FICD: variants seen among roughly 807,000 people sequenced by gnomAD.
FICD encodes the protein protein adenylyltransferase FICD.
Under a neutral mutation model 28.0 loss-of-function variants are expected in FICD, and 13 were observed. The ratio of observed to expected loss-of-function variants is 0.46; its 90% confidence interval spans 0.30 to 0.74. FICD has a LOEUF of 0.74. Among genes scored for constraint, FICD ranks in the 30% least tolerant of loss-of-function variants. The pLI, the probability that FICD is intolerant of heterozygous loss-of-function variation, is 0.07. For missense variants in FICD, 576 were observed against 624.5 expected, an observed-to-expected ratio of 0.92 and a Z score of 0.83; for synonymous variants, 268 against 266.4, an observed-to-expected ratio of 1.01 and a Z score of -0.06.
chr12:108,518,927 ACT>A lies in FICD; in HGVS notation c.832_833del (p.Leu278GlyfsTer80), dbSNP rs1872010113. On this transcript the variant is annotated frameshift_variant, in exon 3 of 3. Transcript: ENST00000552695. LOFTEE classifies it high-confidence loss of function. This position sits in a 1 kb window ranked among gnomAD's most constrained non-coding sequence, Gnocchi z 4.4. ...TGCAGCCATGAAGTACATCAACACG[ACT>A]CTGGTTTCGCGCATCGGCTCCGTCA... ...MHAAMKYINT[T>X]LVSRIGSVTI... 1.9e-6 allele frequency: 3 copies of A among 1,613,586 alleles called. No individual in the cohort carries two copies. The highest frequency in any genetic ancestry group is 1.6e-4 in the Middle Eastern group (1 of 6,082).
rs758453316 is a variant in FICD, at chr12:108,518,602, C to T, written c.504C>T (p.Thr168=). ...ACTACTTGTACACCAGAGCATTGAC[C>T]ATCTCACCCTACCATGAGAAAGCAC... ...QADYLYTRAL[T]ISPYHEKALV... Residue 168 remains threonine (T), a synonymous_variant, in exon 3 of 3, where the codon ACC becomes ACT. Transcript: ENST00000552695. The surrounding 1 kb of genome is among the most constrained non-coding windows in gnomAD (Gnocchi z 4.4). 10 of 1,614,104 alleles carry T rather than the reference C, an allele frequency of 6.2e-6. No individual in the cohort carries two copies. The African/African-American group carries it at 1.1e-4, about 17-fold the overall frequency.
intron 1 of FICD, among the ~76,000 whole-genome samples, chr12:108,515,761 C>T (rs1007314414): frequency 2.6e-5 from 4 of 152,128 alleles, no homozygotes; most frequent in African/African-American, 9.7e-5. Flanking sequence ...ACTCAGAACC[C>T]CGTGATCCAT....
rs950028667 is a variant in FICD, at chr12:108,519,537, T to G, written c.*62T>G. 2 of 1,092,354 alleles carry G rather than the reference T, an allele frequency of 1.8e-6. No individual in the cohort carries two copies. The highest frequency in any genetic ancestry group is 2.6e-6 in the Non-Finnish European group (2 of 777,544). The allele number at this position is 1,092,354 out of a possible 1,614,324, so 67.7% of individuals were successfully genotyped here. ...TAGGAAAAAAAAAAAGAAACAGCAT[T>G]TCTAGAAACCTAGTCACTTCCTAAA... On this transcript the variant is annotated 3_prime_UTR_variant, in exon 3 of 3. Transcript: ENST00000552695. This position sits in a 1 kb window ranked among gnomAD's most constrained non-coding sequence, Gnocchi z 4.5.
At position 108,519,335 on chromosome 12, in the gene FICD, C is replaced by T. The variant is rs1460217169; in HGVS notation, c.1237C>T (p.Pro413Ser). 2 of 1,614,210 alleles carry T rather than the reference C, an allele frequency of 1.2e-6. No individual in the cohort carries two copies. The highest frequency in any genetic ancestry group is 1.7e-5 in the Admixed American group (1 of 60,036). ...LEAANEGDVR[P>S]FIRFIAKCTE... ...AGCTGCCAACGAGGGCGACGTGAGG[C>T]CTTTCATTCGCTTCATCGCCAAGTG... is the stretch of plus-strand genomic sequence containing the variant. Residue 413 changes from proline to serine, a missense_variant, in exon 3 of 3, where the codon CCT (proline) becomes TCT (serine). By Grantham distance (74) the Pro-to-Ser change is moderately conservative (BLOSUM62 -1). Coordinates refer to ENST00000552695, the MANE Select transcript of FICD (RefSeq NM_007076.3). The surrounding 1 kb of genome is among the most constrained non-coding windows in gnomAD (Gnocchi z 4.5).
chr12:108,517,062 G>A lies in FICD; in HGVS notation c.90G>A (p.Leu30=), dbSNP rs745482581. The A allele has an allele frequency of 1.2e-6, 2 of 1,602,570 alleles. No homozygotes were observed. Among genetic ancestry groups the A allele is most frequent in the Non-Finnish European group, 1.7e-6 (2 of 1,172,920 alleles). The change falls in exon 2 of 3, where the codon CTG becomes CTA. Residue 30 remains leucine (L), a synonymous_variant. Coordinates refer to ENST00000552695, the MANE Select transcript of FICD (RefSeq NM_007076.3). ...VWSRFLWVTL[L]SMVLGSLLAL... is the part of the protein sequence containing the mutation. ...GCCGCTTCCTCTGGGTGACGCTGCT[G>A]AGCATGGTGCTGGGGTCCCTGCTGG...
rs1366239281 is a variant in FICD, at chr12:108,518,278, A to G, written c.302-122A>G. 1.2e-6 allele frequency: 1 copy of G among 828,594 alleles called. No homozygotes were observed. The highest frequency in any genetic ancestry group is 2.0e-6 in the Non-Finnish European group (1 of 495,712). The allele number at this position is 828,594 out of a possible 1,614,324, so 51.3% of individuals were successfully genotyped here. A position where few individuals can be genotyped will look rare whatever the true frequency, so the allele number is the denominator to read the frequency against. On this transcript the variant is annotated intron_variant, in intron 2 of 2. Coordinates refer to ENST00000552695, the MANE Select transcript of FICD (RefSeq NM_007076.3). This position sits in a 1 kb window ranked among gnomAD's most constrained non-coding sequence, Gnocchi z 4.4. ...CGATGCGGCTGCAACAAGCTCCTCA[A>G]GGCCAGGGACACAGGCTGGTCATCA...
rs747099327 is a variant in FICD, at chr12:108,518,858, C to A, written c.760C>A (p.Pro254Thr). 4.3e-5 allele frequency: 69 copies of A among 1,614,054 alleles called. No homozygotes were observed. Among genetic ancestry groups the A allele is most frequent in the Non-Finnish European group, 5.6e-5 (66 of 1,180,042 alleles). The change falls in exon 3 of 3, where the codon CCC becomes ACC. Residue 254 changes from proline to threonine, a missense_variant. Physicochemically the swap from Pro to Thr is conservative, Grantham distance 38. Coordinates refer to ENST00000552695, the MANE Select transcript of FICD (RefSeq NM_007076.3). The surrounding 1 kb of genome is among the most constrained non-coding windows in gnomAD (Gnocchi z 4.4). ...RHILETRYAV[P>T]GKSLEEQNEV... ...CATCCTGGAGACCCGCTACGCCGTG[C>A]CCGGGAAGAGCCTGGAGGAGCAGAA...
chr12:108,518,750 G>A lies in FICD; in HGVS notation c.652G>A (p.Val218Ile), dbSNP rs372982792. The A allele has an allele frequency of 1.4e-5, 22 of 1,614,092 alleles. No individual in the cohort carries two copies. Among genetic ancestry groups the A allele is most frequent in the Non-Finnish European group, 1.5e-5 (18 of 1,180,050 alleles). ...IPKGNSALRR[V>I]MEETYYHHIY... ...CAAGGGGAACTCAGCTCTGCGCAGGGTCATGGAGGAGACCTACTACCATCA... is the reference window on the plus strand; with the variant it reads ...CAAGGGGAACTCAGCTCTGCGCAGGATCATGGAGGAGACCTACTACCATCA... The change falls in exon 3 of 3, where the codon GTC becomes ATC. Residue 218 changes from valine (V) to isoleucine (I), a missense_variant. Coordinates refer to ENST00000552695, the MANE Select transcript of FICD (RefSeq NM_007076.3). This position sits in a 1 kb window ranked among gnomAD's most constrained non-coding sequence, Gnocchi z 4.4.
intron 1 of FICD, among the ~76,000 whole-genome samples, chr12:108,515,927 A>T (rs910748431): frequency 5.9e-5 from 9 of 152,078 alleles, no homozygotes; most frequent in African/African-American, 2.2e-4. Context: ...AATTTAACTT[A>T]TGCTCTCTGT....
Position 108,518,554 on chromosome 12 carries a change from A to C in FICD, c.456A>C (p.Glu152Asp), listed in dbSNP as rs764956334. Residue 152 changes from glutamate (E) to aspartate (D), a missense_variant, in exon 3 of 3, where the codon GAA (glutamate) becomes GAC (aspartate). Coordinates refer to ENST00000552695, the MANE Select transcript of FICD (RefSeq NM_007076.3). The surrounding 1 kb of genome is among the most constrained non-coding windows in gnomAD (Gnocchi z 4.4). ...ALTEFGIFSE[E>D]DKDIIQADYL... ...CCGAGTTTGGCATCTTCTCGGAAGA[A>C]GACAAGGACATCATCCAGGCGGACT... The C allele has an allele frequency of 2.2e-5, 35 of 1,614,126 alleles. No individual in the cohort carries two copies. The South Asian group carries it at 3.3e-4, about 15-fold the overall frequency.
chr12:108,519,133 C>T lies in FICD; in HGVS notation c.1035C>T (p.Asn345=), dbSNP rs548179183. The T allele has an allele frequency of 3.1e-6, 5 of 1,614,246 alleles. No individual in the cohort carries two copies. In the East Asian group the frequency reaches 1.1e-4, roughly 36 times the overall value. The part of the protein sequence containing the change: ...VQWLNSEEAM[N]LHPVEFAALA... ...GGCTCAACTCCGAGGAAGCCATGAA[C>T]CTGCACCCAGTGGAGTTTGCAGCCT... Residue 345 remains asparagine (N), a synonymous_variant, in exon 3 of 3, where the codon AAC becomes AAT. Transcript: ENST00000552695. This position sits in a 1 kb window ranked among gnomAD's most constrained non-coding sequence, Gnocchi z 4.5.
At chr12:108,516,771 T>C (rs1057195489) in intron 1 of FICD, 144 bp from the exon 2 acceptor site, 2 of 426,022 alleles carry the variant, frequency 4.7e-6, no homozygotes, top group African/African-American at 2.0e-5. Context: ...GCCCCTCCTC[T>C]AGTGAGATCC....
chr12:108,518,861 G>C lies in FICD; in HGVS notation c.763G>C (p.Gly255Arg). 6.2e-7 allele frequency: 1 copy of C among 1,614,132 alleles called. No homozygotes were observed. Among genetic ancestry groups the C allele is most frequent in the Non-Finnish European group, 8.5e-7 (1 of 1,180,012 alleles). ...CCTGGAGACCCGCTACGCCGTGCCC[G>C]GGAAGAGCCTGGAGGAGCAGAACGA... is the stretch of plus-strand genomic sequence containing the variant. ...HILETRYAVP[G>R]KSLEEQNEVI... The change falls in exon 3 of 3, where the codon GGG (glycine) becomes CGG (arginine). Residue 255 changes from glycine to arginine, a missense_variant. Coordinates refer to ENST00000552695, the MANE Select transcript of FICD (RefSeq NM_007076.3). The surrounding 1 kb of genome is among the most constrained non-coding windows in gnomAD (Gnocchi z 4.4).
At position 108,519,351 on chromosome 12, in the gene FICD, T is replaced by C; in HGVS notation, c.1253T>C (p.Ile418Thr). 6.2e-7 allele frequency: 1 copy of C among 1,614,104 alleles called. No homozygotes were observed. Among genetic ancestry groups the C allele is most frequent in the African/African-American group, 1.3e-5 (1 of 75,000 alleles). ...EGDVRPFIRF[I>T]AKCTETTLDT... ...GACGTGAGGCCTTTCATTCGCTTCA[T>C]CGCCAAGTGTACTGAGACCACCCTG... is the stretch of plus-strand genomic sequence containing the variant. The change falls in exon 3 of 3, where the codon ATC (isoleucine) becomes ACC (threonine). Residue 418 changes from isoleucine to threonine, a missense_variant. Coordinates refer to ENST00000552695, the MANE Select transcript of FICD (RefSeq NM_007076.3). This position sits in a 1 kb window ranked among gnomAD's most constrained non-coding sequence, Gnocchi z 4.5.
In FICD at chr12:108,519,512, T is replaced by G; in HGVS notation, c.*37T>G. ...CTCAGTGACAAAGGCTGTCCTGAGGTAGGAAAAAAAAAAAGAAACAGCATT... is the reference window on the plus strand; with the variant it reads ...CTCAGTGACAAAGGCTGTCCTGAGGGAGGAAAAAAAAAAAGAAACAGCATT... On this transcript the variant is annotated 3_prime_UTR_variant, in exon 3 of 3. Transcript: ENST00000552695. The surrounding 1 kb of genome is among the most constrained non-coding windows in gnomAD (Gnocchi z 4.5). The G allele has an allele frequency of 2.3e-6, 3 of 1,327,304 alleles. No individual in the cohort carries two copies. Among genetic ancestry groups the G allele is most frequent in the Admixed American group, 2.7e-5 (1 of 36,742 alleles). The allele number at this position is 1,327,304 out of a possible 1,614,324, so 82.2% of individuals were successfully genotyped here.
intron 1 of FICD, among the ~76,000 whole-genome samples, chr12:108,515,565 T>A (rs1318904293): frequency 6.6e-6 from 1 of 152,054 alleles, no homozygotes; most frequent in African/African-American, 2.4e-5. Context: ...AACGCACTCC[T>A]TCCCTGCACA....
rs1872044101 is a variant in FICD, at chr12:108,519,726, G to C, written c.*251G>C. 2.6e-6 allele frequency: 1 copy of C among 384,280 alleles called. No homozygotes were observed. The highest frequency in any genetic ancestry group is 2.1e-5 in the African/African-American group (1 of 47,912). 23.8% of individuals were successfully genotyped at this position (384,280 alleles called of 1,614,324 possible). A position where few individuals can be genotyped will look rare whatever the true frequency, so the allele number is the denominator to read the frequency against. On this transcript the variant is annotated 3_prime_UTR_variant, in exon 3 of 3. Coordinates refer to ENST00000552695, the MANE Select transcript of FICD (RefSeq NM_007076.3). The surrounding 1 kb of genome is among the most constrained non-coding windows in gnomAD (Gnocchi z 4.5). Reference sequence around the variant, plus strand: ...TATTGTATGGTGTCTGCTGTGTCTTGCTGGTGGCCGTGCTTTAGGGGCAAC... The same window carrying C: ...TATTGTATGGTGTCTGCTGTGTCTTCCTGGTGGCCGTGCTTTAGGGGCAAC...
Position 108,519,104 on chromosome 12 carries a change from CA to C in FICD, c.1007del (p.Gln336ArgfsTer9), listed in dbSNP as rs1565853190. 1 of 1,614,232 alleles carries C rather than the reference CA, an allele frequency of 6.2e-7. No homozygotes were observed. Among genetic ancestry groups the C allele is most frequent in the Non-Finnish European group, 8.5e-7 (1 of 1,180,040 alleles). Reference protein sequence around the residue: ...DVEKQMQEFVQWLNSEEAMNL... With the variant: ...DVEKQMQEFVXWLNSEEAMNL... The stretch of plus-strand genomic sequence containing the variant: ...GGAAAAGCAGATGCAGGAGTTTGTA[CA>C]GTGGCTCAACTCCGAGGAAGCCATG... On this transcript the variant is annotated frameshift_variant, in exon 3 of 3. Transcript: ENST00000552695. LOFTEE classifies it high-confidence loss of function. This position sits in a 1 kb window ranked among gnomAD's most constrained non-coding sequence, Gnocchi z 4.5.
At chr12:108,516,734 G>T (rs1871919354) in intron 1 of FICD, among the ~76,000 whole-genome samples, 181 bp from the exon 2 acceptor site, 1 of 152,200 alleles carries the variant, frequency 6.6e-6, no homozygotes, top group Non-Finnish European at 1.5e-5. Context: ...ATACTGCCCA[G>T]GAGGTGGCAC....
Sources: allele counts gnomAD v4.1 joint callset (sites outside exome capture counted in the v4.1 genomes callset), GRCh38; gene constraint gnomAD v4.1.1; non-coding constraint Gnocchi (gnomAD v3.1); transcripts MANE v1.5; gene names NCBI Gene and HGNC (gene_info 2026-07-23, HGNC 2026-07-21).